The following KSR1 variants were observed in gnomAD, a reference collection of about 807,000 sequenced individuals.
KSR1 encodes the protein kinase suppressor of ras.
In KSR1, 35 loss-of-function variants were observed where a neutral mutation model predicts 92.9. The observed-to-expected ratio is 0.38, with a 90% CI of 0.29 to 0.50. KSR1 has a LOEUF of 0.50. Ranked by LOEUF, KSR1 falls within the 20% of genes least tolerant of loss-of-function variation. KSR1 has a pLI of 0.94. For missense variants in KSR1, 972 were observed against 1,158.5 expected (o/e 0.84, Z 2.34); for synonymous variants, 467 against 472.6 (o/e 0.99, Z 0.15).
chr17:27,464,591 A>G (rs4794910), intron 1 of KSR1, among the ~76,000 whole-genome samples: 78,599 of 151,470 alleles, frequency 0.52, 20,889 homozygotes, highest in African/African-American at 0.64. Context: ...GTGGTTGTGC[A>G]CACCTGTTGT....
chr17:27,591,725 G>A (rs1258275266), intron 7 of KSR1, among the ~76,000 whole-genome samples: 2 of 152,192 alleles, frequency 1.3e-5, no homozygotes, highest in Non-Finnish European at 2.9e-5. Flanking sequence ...GTTTACATTA[G>A]GGACCTCTAG....
intron 1 of KSR1, among the ~76,000 whole-genome samples, chr17:27,528,591 C>T (rs1248948109): frequency 6.6e-6 from 1 of 152,074 alleles, no homozygotes; most frequent in East Asian, 1.9e-4. Flanking sequence ...ATGTCCTCTT[C>T]TCTTCCTATT....
intron 1 of KSR1, among the ~76,000 whole-genome samples, chr17:27,517,006 C>A (rs1162437939): frequency 6.6e-6 from 1 of 152,168 alleles, no homozygotes; most frequent in African/African-American, 2.4e-5. Context: ...GAAACAAAAA[C>A]AAAAGTATTT....
In KSR1 at chr17:27,577,583, A is replaced by G; in HGVS notation, c.464A>G (p.Asp155Gly). 1 of 1,603,336 alleles carries G rather than the reference A, an allele frequency of 6.2e-7. No individual in the cohort carries two copies. The highest frequency in any genetic ancestry group is 1.3e-5 in the African/African-American group (1 of 74,854). ...ETLRRCGASG[D>G]ECGRLQYALT... Reference sequence around the variant, plus strand: ...CTGCGGCGCTGTGGGGCCAGCGGGGATGAGTGTGGCCGTCTGCAGTATGCC... The same window carrying G: ...CTGCGGCGCTGTGGGGCCAGCGGGGGTGAGTGTGGCCGTCTGCAGTATGCC... Residue 155 changes from aspartate to glycine, a missense_variant, in exon 3 of 21, where the codon GAT becomes GGT. Asp to Gly is a moderately conservative substitution (Grantham distance 94). Around this residue, in one of 5 missense-constraint regions of KSR1, gnomAD observed 611 missense variants for 668.0 expected, o/e 0.91. Transcript: ENST00000644974. The surrounding 1 kb of genome is among the most constrained non-coding windows in gnomAD (Gnocchi z 4.5).
chr17:27,618,615 G>A (rs374011448), intron 19 of KSR1, among the ~76,000 whole-genome samples: 61 of 152,300 alleles, frequency 4.0e-4, no homozygotes, highest in African/African-American at 1.4e-3. Context: ...GTCGCAACAC[G>A]GGAGCAGCCA....
chr17:27,573,879 A>C (rs901601718), intron 2 of KSR1, among the ~76,000 whole-genome samples: 3 of 152,258 alleles, frequency 2.0e-5, no homozygotes, highest in Non-Finnish European at 4.4e-5. Context: ...TGTTCTGGCA[A>C]ATAGTTTGTA....
chr17:27,567,043 C>G (rs574625440), intron 2 of KSR1, among the ~76,000 whole-genome samples: 2 of 152,174 alleles, frequency 1.3e-5, no homozygotes, highest in Non-Finnish European at 2.9e-5. Context: ...CTTGCAGTGT[C>G]TTAAGGTGTG....
chr17:27,606,556 G>A (rs1048109192), intron 14 of KSR1, among the ~76,000 whole-genome samples: 4 of 152,128 alleles, frequency 2.6e-5, no homozygotes, highest in Non-Finnish European at 5.9e-5. Flanking sequence ...TCCCCATCAC[G>A]TAGGCTGAAC....
chr17:27,510,743 A>G (rs994213029), intron 1 of KSR1, among the ~76,000 whole-genome samples: 2 of 152,202 alleles, frequency 1.3e-5, no homozygotes, highest in African/African-American at 4.8e-5. Flanking sequence ...TGTGCTTGGC[A>G]GAAGCCTACC....
intron 1 of KSR1, among the ~76,000 whole-genome samples, chr17:27,522,585 A>C (rs1243795342): frequency 1.3e-5 from 2 of 152,138 alleles, no homozygotes; most frequent in Non-Finnish European, 2.9e-5. Context: ...TCCAGGGAAA[A>C]GTGGGAGGGC....
chr17:27,492,839 C>A (rs1018388107), intron 1 of KSR1, among the ~76,000 whole-genome samples: 24 of 152,176 alleles, frequency 1.6e-4, no homozygotes, highest in African/African-American at 4.6e-4. Context: ...CAGGATTTGT[C>A]TTGCAGGGTA....
intron 1 of KSR1, among the ~76,000 whole-genome samples, chr17:27,533,298 A>G (rs182173768): frequency 2.0e-5 from 3 of 152,248 alleles, no homozygotes; most frequent in Admixed American, 1.3e-4. Context: ...GTCCCTTGGT[A>G]TCCATGGGGG....
intron 1 of KSR1, among the ~76,000 whole-genome samples, chr17:27,496,777 C>G (rs1205804737): frequency 3.3e-5 from 5 of 152,200 alleles, no homozygotes; most frequent in Non-Finnish European, 5.9e-5. Context: ...CCTCTTACTT[C>G]TGTTAGCTTT....
intron 6 of KSR1, 144 bp from the exon 7 acceptor site, chr17:27,590,667 C>A: frequency 1.5e-6 from 1 of 668,376 alleles, no homozygotes; most frequent in South Asian, 1.8e-5. Context: ...CCGTGGGTAT[C>A]TCTGTCCTCT....
intron 2 of KSR1, among the ~76,000 whole-genome samples, chr17:27,570,341 A>AGTTATCCC (rs2072257385): frequency 6.6e-6 from 1 of 152,162 alleles, no homozygotes; most frequent in South Asian, 2.1e-4. Flanking sequence ...GCCCTCTCTC[A>AGTTATCCC]GCCTTATCTC....
chr17:27,588,556 G>C, intron 6 of KSR1, 21 bp downstream of exon 6: 1 of 1,578,762 alleles, frequency 6.3e-7, no homozygotes. Flanking sequence ...CGGGCCTGGA[G>C]GGGGAGCAGG....
At chr17:27,583,390 T>C (rs1261477353) in intron 4 of KSR1, among the ~76,000 whole-genome samples, 1 of 152,202 alleles carries the variant, frequency 6.6e-6, no homozygotes, top group African/African-American at 2.4e-5. Flanking sequence ...AATCACCAGG[T>C]CTTAAAGGAA....
chr17:27,481,571 AG>A (rs1425995915), intron 1 of KSR1, among the ~76,000 whole-genome samples: 1 of 152,128 alleles, frequency 6.6e-6, no homozygotes, highest in Non-Finnish European at 1.5e-5. Context: ...TGGACTGTGG[AG>A]CCACCAGCCT....
intron 1 of KSR1, among the ~76,000 whole-genome samples, chr17:27,526,070 CTCTT>C (rs1555576389): frequency 0.03 from 2,423 of 81,378 alleles, 116 homozygotes; most frequent in East Asian, 0.12. Context: ...CTCTTTCTTT[CTCTT>C]TCTTTCTTTC....
Sources: allele counts gnomAD v4.1 joint callset (sites outside exome capture counted in the v4.1 genomes callset), GRCh38; gene constraint gnomAD v4.1.1; regional missense constraint gnomAD v4.1.1; non-coding constraint Gnocchi (gnomAD v3.1); transcripts MANE v1.5; gene names NCBI Gene and HGNC (gene_info 2026-07-23, HGNC 2026-07-21).